The following RHOQ variants were observed in gnomAD, a reference collection of about 807,000 sequenced individuals.
RHOQ encodes the protein rho-related GTP-binding protein RhoQ.
In RHOQ, 7 loss-of-function variants were observed where a neutral mutation model predicts 25.8. The observed-to-expected ratio is 0.27, with a 90% CI of 0.15 to 0.51. The LOEUF is 0.51. Ranked by LOEUF, RHOQ falls within the 20% of genes least tolerant of loss-of-function variation. The pLI is 0.97. For missense variants in RHOQ, 165 were observed against 260.6 expected, an observed-to-expected ratio of 0.63 and a Z score of 2.53; for synonymous variants, 97 against 98.6, an observed-to-expected ratio of 0.98 and a Z score of 0.10.
intron 2 of RHOQ, chr2:46,560,441 A>G (rs1398839104): frequency 5.6e-6 from 2 of 356,048 alleles, no homozygotes; most frequent in African/African-American, 4.3e-5. Flanking sequence ...AAACATAAAT[A>G]TGAAGAACAA....
chr2:46,570,296 C>T (rs1376819998), intron 2 of RHOQ, among the ~76,000 whole-genome samples: 1 of 152,020 alleles, frequency 6.6e-6, no homozygotes, highest in Non-Finnish European at 1.5e-5. Flanking sequence ...AAAAATTAGC[C>T]AGCCATGGTG....
intron 2 of RHOQ, among the ~76,000 whole-genome samples, chr2:46,560,254 C>T (rs539471899): frequency 2.1e-4 from 32 of 152,190 alleles, no homozygotes; most frequent in African/African-American, 7.7e-4. Context: ...GTTTTTTTGC[C>T]TTTTAGCTTC....
At chr2:46,560,402 A>G (rs1668537742) in intron 2 of RHOQ, 1 of 337,294 alleles carries the variant, frequency 3.0e-6, no homozygotes, top group South Asian at 2.3e-5. Flanking sequence ...CTGGGACTTA[A>G]CTGAAGTCTT....
chr2:46,574,583 A>G (rs1000825115), intron 2 of RHOQ, among the ~76,000 whole-genome samples: 1 of 152,168 alleles, frequency 6.6e-6, no homozygotes, highest in African/African-American at 2.4e-5. Context: ...AGAGGCGTTC[A>G]CTTTAAAAAA....
At chr2:46,580,827 C>A in intron 4 of RHOQ, 101 bp from the exon 5 acceptor site, 1 of 824,100 alleles carries the variant, frequency 1.2e-6, no homozygotes, top group Non-Finnish European at 1.8e-6. Context: ...ATTCTTTTTG[C>A]ATAGCTGTAT....
rs1326106048 is a variant in RHOQ at position 46,554,119 on chromosome 2, G to GT, written c.201+10308dup. ...AATGACAGGATCTCATTGTGTGTGT[G>GT]TGTTTTTTTTTTTTAATTTATAAAT... On this transcript the variant is annotated intron_variant, in intron 2 of 4. Transcript: ENST00000238738. 1.3e-3 allele frequency among the ~76,000 whole-genome samples: 145 copies of GT among 114,764 alleles called. 1 individual carries two copies. Among genetic ancestry groups the GT allele is most frequent in the African/African-American group, 4.3e-3 (106 of 24,548 alleles). 75.3% of individuals were successfully genotyped at this position (114,764 alleles called of 152,430 possible).
chr2:46,573,065 A>ATT (rs35844392), intron 2 of RHOQ, among the ~76,000 whole-genome samples: 2 of 142,954 alleles, frequency 1.4e-5, no homozygotes, highest in South Asian at 2.2e-4. Context: ...CTAACTGCCG[A>ATT]TTTTTTTTTT....
chr2:46,543,844 C>T, intron 2 of RHOQ, 32 bp downstream of exon 2: 5 of 1,596,588 alleles, frequency 3.1e-6, no homozygotes, highest in Admixed American at 1.7e-5. Context: ...CGACGCCCCC[C>T]TCCTGTTCCC....
rs1369327114 is a variant in RHOQ, at chr2:46,584,239, A to C, written c.*3156A>C. On this transcript the variant is annotated 3_prime_UTR_variant, in exon 5 of 5. Transcript: ENST00000238738. ...GCATAGTTTACTATCTACGTAAAGC[A>C]CTGAACTTTTTACCTTAGTAGTTTT... is the stretch of plus-strand genomic sequence containing the variant. 3.3e-5 allele frequency among the ~76,000 whole-genome samples: 5 copies of C among 152,308 alleles called. No individual in the cohort carries two copies. The East Asian group carries it at 9.6e-4, about 29-fold the overall frequency.
chr2:46,558,250 A>G (rs1248832799), intron 2 of RHOQ, among the ~76,000 whole-genome samples: 2 of 152,088 alleles, frequency 1.3e-5, no homozygotes, highest in African/African-American at 2.4e-5. Context: ...CTTTGCCTCT[A>G]TCTCTTGTAT....
chr2:46,557,105 G>C (rs940800628), intron 2 of RHOQ, among the ~76,000 whole-genome samples: 56 of 152,314 alleles, frequency 3.7e-4, no homozygotes, highest in African/African-American at 1.3e-3. Context: ...TTGAAAAGGA[G>C]AAAGGAAAGT....
intron 2 of RHOQ, among the ~76,000 whole-genome samples, chr2:46,558,309 T>G (rs1466437272): frequency 1.3e-5 from 2 of 152,242 alleles, no homozygotes; most frequent in Admixed American, 1.3e-4. Flanking sequence ...ATTTCCTCAC[T>G]TTGGTGGAAT....
Position 46,572,124 on chromosome 2 carries a change from T to TG in RHOQ, c.202-3963_202-3962insG, listed in dbSNP as rs1668945252. Among the ~76,000 whole-genome samples, 3 of 140,482 alleles carry TG rather than the reference T, an allele frequency of 2.1e-5. 1 individual carries two copies. The highest frequency in any genetic ancestry group is 1.4e-4 in the Admixed American group (2 of 14,372). 92.2% of individuals were successfully genotyped at this position (140,482 alleles called of 152,430 possible). ...AAGTGTGTGTTTTTTTTTTTTTTTT[T>TG]TTTTTTTTTTGAGACAGGGTCTCAC... On this transcript the variant is annotated intron_variant, in intron 2 of 4. Coordinates refer to ENST00000238738, the MANE Select transcript of RHOQ (RefSeq NM_012249.4).
chr2:46,556,421 A>T lies in RHOQ; in HGVS notation c.201+12609A>T, dbSNP rs895304098. Among the ~76,000 whole-genome samples, 2 of 152,040 alleles carry T rather than the reference A, an allele frequency of 1.3e-5. No homozygotes were observed. The highest frequency in any genetic ancestry group is 6.6e-5 in the Admixed American group (1 of 15,254). ...GTGGTGCTGCCTTCGCCCCTGGCTC[A>T]GGTAGAGGCGAGGGCTGATCTCTTC... is the stretch of plus-strand genomic sequence containing the variant. On this transcript the variant is annotated intron_variant, in intron 2 of 4. Transcript: ENST00000238738. This position sits in a 1 kb window ranked among gnomAD's most constrained non-coding sequence, Gnocchi z 4.9.
At chr2:46,564,236 TTGACTC>T (rs1185331357) in intron 2 of RHOQ, among the ~76,000 whole-genome samples, 5 of 152,082 alleles carry the variant, frequency 3.3e-5, no homozygotes, top group Non-Finnish European at 7.4e-5. Flanking sequence ...GCCCAGGAGT[TTGACTC>T]TGTATTGAGC....
At chr2:46,580,724 G>A (rs1279998580) in intron 4 of RHOQ, 2 of 409,016 alleles carry the variant, frequency 4.9e-6, no homozygotes, top group Non-Finnish European at 8.8e-6. Flanking sequence ...GTAAATATGT[G>A]GTGAGTGAAA....
rs979466231 is a variant in RHOQ, at chr2:46,556,200, G to A, written c.201+12388G>A. 2.6e-5 allele frequency among the ~76,000 whole-genome samples: 4 copies of A among 152,088 alleles called. No individual in the cohort carries two copies. The highest frequency in any genetic ancestry group is 4.4e-5 in the Non-Finnish European group (3 of 68,018). On this transcript the variant is annotated intron_variant, in intron 2 of 4. Transcript: ENST00000238738. This position sits in a 1 kb window ranked among gnomAD's most constrained non-coding sequence, Gnocchi z 4.9. ...TCTGGCTTCTTTCACTTAGCATAAC[G>A]TTTTCTAAGGTTCATCCATGTTGTA...
Position 46,576,320 on chromosome 2 carries a change from C to A in RHOQ, c.366+69C>A. 1 of 1,273,982 alleles carries A rather than the reference C, an allele frequency of 7.8e-7. No individual in the cohort carries two copies. Among genetic ancestry groups the A allele is most frequent in the Non-Finnish European group, 1.1e-6 (1 of 903,124 alleles). 78.9% of individuals were successfully genotyped at this position (1,273,982 alleles called of 1,614,324 possible). ...GTCTGTCGTAGAGGCTGCTCTCAGA[C>A]AAACAGTCCCAAAGCTGAGCAAATG... On this transcript the variant is annotated intron_variant, in intron 3 of 4. Coordinates refer to ENST00000238738, the MANE Select transcript of RHOQ (RefSeq NM_012249.4). The surrounding 1 kb of genome is among the most constrained non-coding windows in gnomAD (Gnocchi z 5.1).
In RHOQ at chr2:46,543,103, G is replaced by T. The variant is rs1485598573; in HGVS notation, c.57G>T (p.Ala19=). The T allele has an allele frequency of 5.6e-6, 9 of 1,609,386 alleles. No individual in the cohort carries two copies. Among genetic ancestry groups the T allele is most frequent in the Non-Finnish European group, 7.6e-6 (9 of 1,178,202 alleles). The change falls in exon 1 of 5, where the codon GCG becomes GCT. Residue 19 remains alanine, a synonymous_variant. Coordinates refer to ENST00000238738, the MANE Select transcript of RHOQ (RefSeq NM_012249.4). ...AGTGCGTGGTGGTCGGCGACGGGGC[G>T]GTGGGCAAGACGTGCCTACTCATGA... ...MLKCVVVGDG[A]VGKTCLLMSY...
Sources: allele counts gnomAD v4.1 joint callset (sites outside exome capture counted in the v4.1 genomes callset), GRCh38; gene constraint gnomAD v4.1.1; non-coding constraint Gnocchi (gnomAD v3.1); transcripts MANE v1.5; gene names NCBI Gene and HGNC (gene_info 2026-07-23, HGNC 2026-07-21).